Variants in TP53I11 observed in about 807,000 individuals in gnomAD.
TP53I11 encodes the protein tumor protein p53-inducible protein 11.
In TP53I11, 9 loss-of-function variants were observed where a neutral mutation model predicts 23.3. The observed-to-expected ratio is 0.39, with a 90% CI of 0.23 to 0.67. TP53I11 has a LOEUF of 0.67. TP53I11 is among the 30% of genes least tolerant of loss of function. TP53I11 has a pLI of 0.48. For synonymous variants in TP53I11, 100 were observed against 106.1 expected (o/e 0.94, Z 0.35); for missense variants, 170 against 255.2 (o/e 0.67, Z 2.27).
At chr11:44,945,828 G>A (rs1262392907) in intron 1 of TP53I11, among the ~76,000 whole-genome samples, 2 of 152,146 alleles carry the variant, frequency 1.3e-5, no homozygotes, top group Admixed American at 6.5e-5. Context: ...CCTGGAGGGC[G>A]GGACGGAATA....
intron 2 of TP53I11, 134 bp downstream of exon 2, chr11:44,938,073 T>G: frequency 7.8e-7 from 1 of 1,276,790 alleles, no homozygotes; most frequent in Non-Finnish European, 1.0e-6. Context: ...CTGGCATTGC[T>G]GTTACATTTC....
intron 5 of TP53I11, 62 bp from the exon 6 acceptor site, chr11:44,935,724 G>T: frequency 8.2e-7 from 1 of 1,221,720 alleles, no homozygotes; most frequent in Non-Finnish European, 1.2e-6. Flanking sequence ...CAGCAGGGCA[G>T]GAGGACTGCT....
chr11:44,949,168 C>T (rs542322648), intron 1 of TP53I11, among the ~76,000 whole-genome samples: 8 of 152,320 alleles, frequency 5.3e-5, no homozygotes, highest in African/African-American at 1.9e-4. Context: ...AACAACCCAA[C>T]AAGAAAAATC....
chr11:44,944,492 C>T (rs969861256), intron 1 of TP53I11, among the ~76,000 whole-genome samples: 43 of 152,146 alleles, frequency 2.8e-4, no homozygotes, highest in African/African-American at 9.4e-4. Context: ...CACATGCTTC[C>T]CAGGGGCGAG....
intron 3 of TP53I11, 84 bp downstream of exon 3, chr11:44,937,458 AAAATCCAGGGACC>A (rs1432762652): frequency 6.5e-7 from 1 of 1,528,130 alleles, no homozygotes; most frequent in African/African-American, 1.4e-5. Flanking sequence ...GAGACAAAAT[AAAATCCAGGGACC>A]AGGCCAAATG....
In TP53I11 at chr11:44,932,990, G is replaced by C. The variant is rs545561901; in HGVS notation, c.*1894C>G. 5.9e-5 allele frequency: 9 copies of C among 152,310 alleles called. No individual in the cohort carries two copies. The highest frequency in any genetic ancestry group is 5.9e-4 in the Admixed American group (9 of 15,288). 9.4% of individuals were successfully genotyped at this position (152,310 alleles called of 1,614,324 possible). On this transcript the variant is annotated 3_prime_UTR_variant, in exon 7 of 7. Transcript: ENST00000525680. The stretch of plus-strand genomic sequence containing the variant: ...GGCTCAGATGGGGGATTGAGGCTTC[G>C]GCCTGAGGGCACTGCCCATTGGCGG...
At chr11:44,937,947 G>A (rs1453918443) in intron 2 of TP53I11, among the ~76,000 whole-genome samples, 1 of 152,188 alleles carries the variant, frequency 6.6e-6, no homozygotes, top group Non-Finnish European at 1.5e-5. Context: ...TCTATAAAAT[G>A]GGTGAATGAT....
chr11:44,938,204 C>A lies in TP53I11; in HGVS notation c.129+3G>T. On this transcript the variant is annotated splice_donor_region_variant and intron_variant, in intron 2 of 6. Coordinates refer to ENST00000525680, the MANE Select transcript of TP53I11 (RefSeq NM_006034.5). ...TGCCGGAGGCCCCTGCTCTGCACCCCACCTTGGAGCGATGCACCTCCCCGT... is the reference window on the plus strand; with the variant it reads ...TGCCGGAGGCCCCTGCTCTGCACCCAACCTTGGAGCGATGCACCTCCCCGT... 1 of 1,611,628 alleles carries A rather than the reference C, an allele frequency of 6.2e-7. No individual in the cohort carries two copies. Among genetic ancestry groups the A allele is most frequent in the East Asian group, 2.2e-5 (1 of 44,766 alleles).
At chr11:44,935,521 C>G (rs773592309) in intron 6 of TP53I11, 40 bp downstream of exon 6, 1 of 1,581,262 alleles carries the variant, frequency 6.3e-7, no homozygotes, top group African/African-American at 1.3e-5. Context: ...AGGGGCGAAG[C>G]GGCCCATCAG....
chr11:44,935,697 G>GGGC, intron 5 of TP53I11, 35 bp from the exon 6 acceptor site: 2 of 1,230,868 alleles, frequency 1.6e-6, no homozygotes, highest in Non-Finnish European at 1.2e-6. Flanking sequence ...CTGGGGGTGG[G>GGGC]ACAGCTGACT....
chr11:44,949,392 A>T (rs1168965808), intron 1 of TP53I11, among the ~76,000 whole-genome samples: 2 of 151,994 alleles, frequency 1.3e-5, no homozygotes, highest in Non-Finnish European at 2.9e-5. Flanking sequence ...CCCCGTCAAG[A>T]AGTTTGTTTG....
At chr11:44,942,729 C>T (rs1313064398) in intron 1 of TP53I11, among the ~76,000 whole-genome samples, 2 of 152,232 alleles carry the variant, frequency 1.3e-5, no homozygotes, top group African/African-American at 4.8e-5. Context: ...CCATGTGGCC[C>T]CACAGAGAAA....
Position 44,936,117 on chromosome 11 carries a change from C to T in TP53I11, c.335-455G>A. ...GTAAGGACTCGCTTTAAGGAAGTCC[C>T]CTGGGGGAGGGGGATGAACCATACT... On this transcript the variant is annotated intron_variant, in intron 5 of 6. Coordinates refer to ENST00000525680, the MANE Select transcript of TP53I11 (RefSeq NM_006034.5). The surrounding 1 kb of genome is among the most constrained non-coding windows in gnomAD (Gnocchi z 4.4). 3 of 720,138 alleles carry T rather than the reference C, an allele frequency of 4.2e-6. No individual in the cohort carries two copies. The highest frequency in any genetic ancestry group is 3.4e-6 in the Non-Finnish European group (2 of 580,074). The allele number at this position is 720,138 out of a possible 1,614,324, so 44.6% of individuals were successfully genotyped here. A position where few individuals can be genotyped will look rare whatever the true frequency, so the allele number is the denominator to read the frequency against.
At position 44,936,726 on chromosome 11, in the gene TP53I11, C is replaced by G. The variant is rs1034749970; in HGVS notation, c.334+77G>C. On this transcript the variant is annotated intron_variant, in intron 5 of 6. Transcript: ENST00000525680. The surrounding 1 kb of genome is among the most constrained non-coding windows in gnomAD (Gnocchi z 4.4). ...AAGGAAGGGGTGCCCGGGCACGGACCCCCGTGCTCTCCTCAGCCCCGCTGG... is the reference window on the plus strand; with the variant it reads ...AAGGAAGGGGTGCCCGGGCACGGACGCCCGTGCTCTCCTCAGCCCCGCTGG... 2 of 1,368,304 alleles carry G rather than the reference C, an allele frequency of 1.5e-6. No individual in the cohort carries two copies. Among genetic ancestry groups the G allele is most frequent in the Admixed American group, 3.5e-5 (1 of 28,534 alleles). 84.8% of individuals were successfully genotyped at this position (1,368,304 alleles called of 1,614,324 possible).
chr11:44,948,956 G>C (rs568109682), intron 1 of TP53I11, among the ~76,000 whole-genome samples: 5 of 152,354 alleles, frequency 3.3e-5, no homozygotes, highest in Non-Finnish European at 5.9e-5. Context: ...GGTCATGACA[G>C]CTGGACATGG....
chr11:44,939,629 G>A (rs549150135), intron 1 of TP53I11, among the ~76,000 whole-genome samples: 5 of 152,354 alleles, frequency 3.3e-5, no homozygotes, highest in African/African-American at 7.2e-5. Context: ...TTAAAATAAA[G>A]CACCCGAACA....
At chr11:44,935,742 C>A (rs1288899669) in intron 5 of TP53I11, 80 bp from the exon 6 acceptor site, 2 of 970,272 alleles carry the variant, frequency 2.1e-6, no homozygotes, top group Non-Finnish European at 3.2e-6. Flanking sequence ...GCTCCTGCTT[C>A]CTCTGGCCAC....
intron 1 of TP53I11, among the ~76,000 whole-genome samples, chr11:44,939,551 C>T (rs966259818): frequency 1.4e-4 from 21 of 152,344 alleles, no homozygotes; most frequent in Admixed American, 1.3e-3. Context: ...CTGCCCCAGC[C>T]AGGGCTGCCA....
At chr11:44,938,723 G>A (rs961017868) in intron 1 of TP53I11, among the ~76,000 whole-genome samples, 4 of 152,160 alleles carry the variant, frequency 2.6e-5, no homozygotes, top group Admixed American at 2.0e-4. Context: ...AAAGGAGCCT[G>A]GATTCATGGG....
Sources: gnomAD v4.1 joint callset for allele counts (sites outside exome capture counted in the v4.1 genomes callset) on GRCh38, gnomAD v4.1.1 for gene constraint, Gnocchi (gnomAD v3.1) non-coding constraint, MANE v1.5 for transcripts, NCBI Gene and HGNC (gene_info 2026-07-23, HGNC 2026-07-21) for gene names.